The following WDR41 variants were observed in gnomAD, a reference collection of about 807,000 sequenced individuals.
WDR41 encodes WD repeat-containing protein 41.
In WDR41, 63 loss-of-function variants were observed where a neutral mutation model predicts 69.3. The observed-to-expected ratio is 0.91, with a 90% CI of 0.74 to 1.12. The LOEUF is 1.12. Among genes scored for constraint, WDR41 ranks in the 50% most tolerant of loss-of-function variants. The pLI, the probability that WDR41 is intolerant of heterozygous loss-of-function variation, is 0.00. For missense variants in WDR41, 543 were observed against 534.5 expected (o/e 1.02, Z -0.16); for synonymous variants, 185 against 192.1 (o/e 0.96, Z 0.31).
Position 77,441,758 on chromosome 5 carries a change from A to AC in WDR41, c.698-762_698-761insG, listed in dbSNP as rs56367543. 1.8e-3 allele frequency among the ~76,000 whole-genome samples: 272 copies of AC among 152,016 alleles called. 2 individuals carry two copies. The highest frequency in any genetic ancestry group is 6.2e-3 in the African/African-American group (256 of 41,398). ...GTCTAAAACACACACACACACACAC[A>AC]AATACACTGAAATGACAAAAAGCTG... On this transcript the variant is annotated intron_variant, in intron 8 of 12. Coordinates refer to ENST00000296679, the MANE Select transcript of WDR41 (RefSeq NM_018268.4).
At chr5:77,442,894 C>CAAAAAAAAAA (rs60442242) in intron 8 of WDR41, among the ~76,000 whole-genome samples, 1,079 of 56,224 alleles carry the variant, frequency 0.019, 135 homozygotes, top group Middle Eastern at 0.038. Context: ...TCTGTCTCCC[C>CAAAAAAAAAA]AAAAAAAAAA....
chr5:77,507,415 A>G (rs959047461), intron 1 of WDR41, among the ~76,000 whole-genome samples: 2 of 152,148 alleles, frequency 1.3e-5, no homozygotes, highest in African/African-American at 4.8e-5. Flanking sequence ...TTTTCTGACA[A>G]TATGCAATAC....
intron 1 of WDR41, among the ~76,000 whole-genome samples, chr5:77,618,511 T>A (rs1744718838): frequency 6.6e-6 from 1 of 152,158 alleles, no homozygotes; most frequent in Non-Finnish European, 1.5e-5. Context: ...CAGCTGTGAT[T>A]ACAGGCGCAC....
At position 77,489,539 on chromosome 5, in the gene WDR41, T is replaced by A. The variant is rs1460298403; in HGVS notation, c.85A>T (p.Thr29Ser). Residue 29 changes from threonine to serine, a missense_variant, in exon 2 of 13, where the codon ACC (threonine) becomes TCC (serine). Transcript: ENST00000296679. ...AGCAGTTCAGTGTAGGGATTCTGGG[T>A]TTGTTCTTCACCTATTGTCTGTAAA... ...SPLQTIGEEQ[T>S]QNPYTELLVL... The A allele has an allele frequency of 2.5e-6, 4 of 1,607,392 alleles. No homozygotes were observed. In the South Asian group the frequency reaches 4.5e-5, roughly 18 times the overall value.
intron 6 of WDR41, chr5:77,452,152 G>C (rs1398597547): frequency 6.6e-6 from 1 of 152,106 alleles, no homozygotes; most frequent in African/African-American, 2.4e-5. Flanking sequence ...GATTTGGATA[G>C]TATTTCTGGC....
chr5:77,533,609 G>A (rs1742905371), intron 1 of WDR41, among the ~76,000 whole-genome samples: 1 of 152,150 alleles, frequency 6.6e-6, no homozygotes, highest in Admixed American at 6.5e-5. Flanking sequence ...GGCTCAGGAT[G>A]GAGGGACTGA....
intron 1 of WDR41, among the ~76,000 whole-genome samples, chr5:77,490,790 G>A (rs1801739794): frequency 6.6e-6 from 1 of 152,124 alleles, no homozygotes; most frequent in African/African-American, 2.4e-5. Context: ...CCAAAATGTC[G>A]TATATACCAT....
chr5:77,596,595 CA>C (rs1271301899), intron 1 of WDR41, among the ~76,000 whole-genome samples: 1 of 151,942 alleles, frequency 6.6e-6, no homozygotes, highest in Non-Finnish European at 1.5e-5. Context: ...ACTCTTGGCT[CA>C]AGCTATCCTC....
Position 77,545,958 on chromosome 5 carries a change from G to A in WDR41, c.43-56386C>T, listed in dbSNP as rs184741994. 1.6e-3 allele frequency: 790 copies of A among 488,944 alleles called. 7 individuals are homozygous for A. The highest frequency in any genetic ancestry group is 3.6e-3 in the Admixed American group (93 of 26,146). The allele number at this position is 488,944 out of a possible 1,614,324, so 30.3% of individuals were successfully genotyped here. ...CAAGGTGACAGGCCGCTGTGGCTCCGTGCTGGTGACCTCATCCCTGTGCCC... is the reference window on the plus strand; with the variant it reads ...CAAGGTGACAGGCCGCTGTGGCTCCATGCTGGTGACCTCATCCCTGTGCCC... On this transcript the variant is annotated intron_variant, in intron 1 of 5. Coordinates refer to the WDR41 transcript ENST00000509971.
chr5:77,456,598 A>T, intron 5 of WDR41, among the ~76,000 whole-genome samples: 1 of 152,228 alleles, frequency 6.6e-6, no homozygotes, highest in South Asian at 2.1e-4. Flanking sequence ...CCCTGGCTAG[A>T]ACCTCCAGTA....
At chr5:77,464,926 A>C in intron 2 of WDR41, 117 bp from the exon 3 acceptor site, 1 of 969,466 alleles carries the variant, frequency 1.0e-6, no homozygotes, top group Non-Finnish European at 1.6e-6. Flanking sequence ...AGATCAAGTT[A>C]TTTCAGCTAA....
intron 1 of WDR41, 82 bp downstream of exon 1, chr5:77,492,088 G>C: frequency 6.5e-7 from 1 of 1,537,638 alleles, no homozygotes; most frequent in Non-Finnish European, 8.9e-7. Context: ...CCCCGCGGTC[G>C]GAACCCAGGA....
chr5:77,553,514 G>C (rs1743335897), intron 1 of WDR41, among the ~76,000 whole-genome samples: 1 of 152,056 alleles, frequency 6.6e-6, no homozygotes, highest in South Asian at 2.1e-4. Flanking sequence ...ATGAATTTTG[G>C]AGGGAATGCC....
chr5:77,458,912 A>C (rs1292460316), intron 5 of WDR41, 150 bp downstream of exon 5: 2 of 531,168 alleles, frequency 3.8e-6, no homozygotes, highest in Non-Finnish European at 6.7e-6. Context: ...GCTCTCAAAA[A>C]TCTGATCTTA....
At chr5:77,437,461 C>A in intron 10 of WDR41, 37 bp from the exon 11 acceptor site, 1 of 1,561,104 alleles carries the variant, frequency 6.4e-7, no homozygotes. Flanking sequence ...AAAAAGAGCG[C>A]ACCACTGAGG....
At chr5:77,571,888 G>C (rs763337970) in intron 1 of WDR41, among the ~76,000 whole-genome samples, 34 of 152,244 alleles carry the variant, frequency 2.2e-4, no homozygotes, top group Non-Finnish European at 8.8e-5. Context: ...TCAGGGAAAG[G>C]GGGAAAGTGT....
intron 2 of WDR41, among the ~76,000 whole-genome samples, chr5:77,469,094 A>G (rs934760294): frequency 6.6e-6 from 1 of 152,202 alleles, no homozygotes; most frequent in Non-Finnish European, 1.5e-5. Context: ...CTTTGTAGGG[A>G]CATGGATGAA....
intron 1 of WDR41, among the ~76,000 whole-genome samples, chr5:77,611,322 G>A (rs1417294536): frequency 6.6e-6 from 1 of 152,216 alleles, no homozygotes. Context: ...GACATCTACA[G>A]AACTCTCCAC....
rs1799138636 is a variant in WDR41 at position 77,440,992 on chromosome 5, T to A, written c.703A>T (p.Ser235Cys). ...CCGACGTGGGAGCCGGTGACAAAAC[T>A]CAAATCTAGGCAAAGTTCACATATG... ...ILSLINVNDL[S>C]FVTGSHVGEL... Residue 235 changes from serine to cysteine, a missense_variant, in exon 9 of 13, where the codon AGT becomes TGT. Coordinates refer to ENST00000296679, the MANE Select transcript of WDR41 (RefSeq NM_018268.4). 3.1e-6 allele frequency: 5 copies of A among 1,613,300 alleles called. No individual in the cohort carries two copies. In the African/African-American group the frequency reaches 5.3e-5, roughly 17 times the overall value.
Sources: allele counts gnomAD v4.1 joint callset (sites outside exome capture counted in the v4.1 genomes callset), GRCh38; gene constraint gnomAD v4.1.1; transcripts MANE v1.5; gene names NCBI Gene and HGNC (gene_info 2026-07-23, HGNC 2026-07-21).